SLC1A6: variants seen among roughly 807,000 people sequenced by gnomAD.
SLC1A6 encodes excitatory amino acid transporter 4.
SLC1A6 carries 15 observed loss-of-function variants against 42.1 expected under a neutral mutation model. That is an observed-to-expected ratio of 0.36 (90% CI 0.24 to 0.55). The LOEUF (loss-of-function observed/expected upper bound fraction) is 0.55. Among genes scored for constraint, SLC1A6 ranks in the 20% least tolerant of loss-of-function variants. The probability of loss-of-function intolerance (pLI) is 0.88; values close to 1 mark genes in which losing one functional copy is unlikely to be tolerated. For synonymous variants in SLC1A6, 317 were observed against 319.7 expected (o/e 0.99, Z 0.09); for missense variants, 542 against 772.5 (o/e 0.70, Z 3.54).
At chr19:15,004,263 A>G (rs118191983) in intron 1 of SLC1A6, among the ~76,000 whole-genome samples, 1,855 of 152,302 alleles carry the variant, frequency 0.012, 19 homozygotes, top group Non-Finnish European at 0.018. Context: ...GGGCTTCAGT[A>G]TATTGGGAGA....
At position 14,962,253 on chromosome 19, in the gene SLC1A6, G is replaced by T; in HGVS notation, c.684C>A (p.Phe228Leu). The T allele has an allele frequency of 6.2e-7, 1 of 1,614,148 alleles. No homozygotes were observed. The highest frequency in any genetic ancestry group is 8.5e-7 in the Non-Finnish European group (1 of 1,179,974). ...SEPGASMPPP[F>L]SVENGTSFLE... ...GGAAGCTGGTTCCGTTCTCCACTGA[G>T]AATGGAGGAGGCATGGAGGCACCCG... The change falls in exon 6 of 10, where the codon TTC becomes TTA. Residue 228 changes from phenylalanine to leucine, a missense_variant. Phe to Leu is a conservative substitution (Grantham distance 22). Transcript: ENST00000594383.
chr19:14,994,386 C>T (rs1323056415), intron 1 of SLC1A6, among the ~76,000 whole-genome samples: 1 of 152,124 alleles, frequency 6.6e-6, no homozygotes, highest in African/African-American at 2.4e-5. Flanking sequence ...ACAGCTCCCT[C>T]CCCTCTCTGC....
At chr19:15,007,206 G>T (rs758124334) in intron 1 of SLC1A6, among the ~76,000 whole-genome samples, 17 of 152,196 alleles carry the variant, frequency 1.1e-4, no homozygotes, top group Non-Finnish European at 7.3e-5. Flanking sequence ...ATTCAGCCAT[G>T]AAAAGGACAG....
intron 6 of SLC1A6, among the ~76,000 whole-genome samples, chr19:14,957,765 T>C (rs1235086256): frequency 6.6e-6 from 1 of 152,172 alleles, no homozygotes; most frequent in Non-Finnish European, 1.5e-5. Context: ...GGAGAGTCAC[T>C]GGATGGGACT....
Position 14,979,743 on chromosome 19 carries a change from C to G in SLC1A6, c.-442G>C, listed in dbSNP as rs2045753231. 6.6e-6 allele frequency: 1 copy of G among 151,908 alleles called. No homozygotes were observed. Among genetic ancestry groups the G allele is most frequent in the East Asian group, 1.9e-4 (1 of 5,150 alleles). The allele number at this position is 151,908 out of a possible 1,614,324, so 9.4% of individuals were successfully genotyped here. A position where few individuals can be genotyped will look rare whatever the true frequency, so the allele number is the denominator to read the frequency against. On this transcript the variant is annotated 5_prime_UTR_variant, in exon 1 of 10. Transcript: ENST00000594383. This position sits in a 1 kb window ranked among gnomAD's most constrained non-coding sequence, Gnocchi z 4.2. ...TGCGCTCACGTGGGTGTGGGGGCACCGAGCGGCCGGGGGAGGGGGCGGGAT... is the reference window on the plus strand; with the variant it reads ...TGCGCTCACGTGGGTGTGGGGGCACGGAGCGGCCGGGGGAGGGGGCGGGAT...
chr19:14,992,102 A>T (rs1376619638), intron 1 of SLC1A6, among the ~76,000 whole-genome samples: 3 of 152,244 alleles, frequency 2.0e-5, no homozygotes, highest in Admixed American at 2.0e-4. Flanking sequence ...CTGGGATTAC[A>T]GGCGTGAGCC....
chr19:14,956,074 A>G (rs1179956909), intron 7 of SLC1A6, among the ~76,000 whole-genome samples: 1 of 152,160 alleles, frequency 6.6e-6, no homozygotes, highest in Non-Finnish European at 1.5e-5. Flanking sequence ...GAGGAAGAAG[A>G]AAAAGGAGGA....
intron 1 of SLC1A6, among the ~76,000 whole-genome samples, chr19:14,996,524 C>A (rs2045846609): frequency 1.8e-5 from 1 of 56,062 alleles, no homozygotes; most frequent in East Asian, 4.8e-4. Context: ...CTCTCCTCCT[C>A]CTCTTTCTTC....
intron 6 of SLC1A6, among the ~76,000 whole-genome samples, chr19:14,960,889 C>T (rs2045503909): frequency 6.7e-6 from 1 of 150,132 alleles, no homozygotes; most frequent in Non-Finnish European, 1.5e-5. Context: ...GTATTGTGTA[C>T]TTGCAAATCA....
chr19:15,010,278 C>A (rs188864941), intron 1 of SLC1A6, among the ~76,000 whole-genome samples: 11 of 151,806 alleles, frequency 7.2e-5, no homozygotes, highest in Admixed American at 2.0e-4. Context: ...TTTGGGTAGT[C>A]AAGGACACCA....
chr19:14,989,336 A>G (rs999365474), intron 1 of SLC1A6, among the ~76,000 whole-genome samples: 2 of 152,054 alleles, frequency 1.3e-5, no homozygotes, highest in African/African-American at 2.4e-5. Flanking sequence ...ATCTCGGCTC[A>G]CTGCAACCTC....
At chr19:14,998,329 G>A (rs1477447306) in intron 1 of SLC1A6, among the ~76,000 whole-genome samples, 1 of 152,012 alleles carries the variant, frequency 6.6e-6, no homozygotes, top group Non-Finnish European at 1.5e-5. Context: ...TCACTTGAGG[G>A]TGGGAGTTCA....
At chr19:14,957,953 A>C (rs1399237846) in intron 6 of SLC1A6, among the ~76,000 whole-genome samples, 5 of 152,226 alleles carry the variant, frequency 3.3e-5, no homozygotes. Flanking sequence ...ATGTGGCTGG[A>C]GTATTGAGTA....
Position 14,950,158 on chromosome 19 carries a change from CT to C in SLC1A6, c.*36del. The C allele has an allele frequency of 6.9e-7, 1 of 1,441,482 alleles. No homozygotes were observed. The allele number at this position is 1,441,482 out of a possible 1,614,324, so 89.3% of individuals were successfully genotyped here. On this transcript the variant is annotated 3_prime_UTR_variant, in exon 10 of 10. Coordinates refer to ENST00000594383, the MANE Select transcript of SLC1A6 (RefSeq NM_005071.3). ...CACCAGGACTCCCCTCCCCAGCCCC[CT>C]TCCCTCCTCTCTGGGGGGGCAGAGC...
intron 4 of SLC1A6, among the ~76,000 whole-genome samples, chr19:14,965,666 AT>A (rs2045565900): frequency 6.6e-6 from 1 of 152,124 alleles, no homozygotes; most frequent in Admixed American, 6.6e-5. Flanking sequence ...CCTGGCCAAC[AT>A]GATGAAACGC....
chr19:14,991,854 T>C (rs1481499858), intron 1 of SLC1A6, among the ~76,000 whole-genome samples: 2 of 37,524 alleles, frequency 5.3e-5, no homozygotes, highest in Admixed American at 2.8e-4. Context: ...TTTTTTTTTT[T>C]CTAGAGGGAG....
chr19:14,991,480 G>T (rs550848414), intron 1 of SLC1A6, among the ~76,000 whole-genome samples: 3 of 152,038 alleles, frequency 2.0e-5, no homozygotes, highest in Non-Finnish European at 2.9e-5. Context: ...AAAATTAGCT[G>T]GGTGTGGTGA....
At chr19:14,952,851 A>G in intron 9 of SLC1A6, 77 bp downstream of exon 9, 1 of 1,497,226 alleles carries the variant, frequency 6.7e-7, no homozygotes, top group South Asian at 1.4e-5. Flanking sequence ...ATAAAAGTCC[A>G]CAGGTCGAGG....
chr19:14,954,431 G>C (rs2045442649), intron 7 of SLC1A6, 102 bp from the exon 8 acceptor site: 16 of 1,046,884 alleles, frequency 1.5e-5, no homozygotes, highest in Non-Finnish European at 1.7e-5. Context: ...ATGGGGCGTG[G>C]CCGAAGAAAG....
Sources: allele counts gnomAD v4.1 joint callset (sites outside exome capture counted in the v4.1 genomes callset), GRCh38; gene constraint gnomAD v4.1.1; non-coding constraint Gnocchi (gnomAD v3.1); transcripts MANE v1.5; gene names NCBI Gene and HGNC (gene_info 2026-07-23, HGNC 2026-07-21).